ITGB6: variants seen among roughly 807,000 people sequenced by gnomAD.
ITGB6 encodes the protein integrin subunit beta 6.
ITGB6 carries 80 observed loss-of-function variants against 84.5 expected under a neutral mutation model. That is an observed-to-expected ratio of 0.95 (90% confidence interval 0.79 to 1.14). The LOEUF is 1.14. Ranked by LOEUF, ITGB6 falls within the 50% of genes most tolerant of loss-of-function variation. The probability of loss-of-function intolerance (pLI) is 0.00; values close to 1 mark genes in which losing one functional copy is unlikely to be tolerated. For synonymous variants in ITGB6, 383 were observed against 354.9 expected, an observed-to-expected ratio of 1.08 and a Z score of -0.89; for missense variants, 1,006 against 968.0, an observed-to-expected ratio of 1.04 and a Z score of -0.52.
chr2:160,146,375 T>A (rs1684187600), intron 7 of ITGB6, among the ~76,000 whole-genome samples: 1 of 152,130 alleles, frequency 6.6e-6, no homozygotes, highest in Admixed American at 6.5e-5. Flanking sequence ...CTTGCTTAAC[T>A]CTCTTTATGA....
At chr2:160,107,160 T>C (rs1696942819) in intron 14 of ITGB6, among the ~76,000 whole-genome samples, 1 of 152,214 alleles carries the variant, frequency 6.6e-6, no homozygotes. Context: ...AAATTTATGT[T>C]ATTCAGAAAA....
chr2:160,150,573 C>T (rs1014770389), intron 7 of ITGB6, among the ~76,000 whole-genome samples: 7 of 152,170 alleles, frequency 4.6e-5, no homozygotes, highest in African/African-American at 1.4e-4. Context: ...AACCAGCGAA[C>T]ATCATAATGA....
Position 160,137,845 on chromosome 2 carries a change from A to G in ITGB6, c.1249T>C (p.Phe417Leu). 6.2e-7 allele frequency: 1 copy of G among 1,612,758 alleles called. No individual in the cohort carries two copies. The highest frequency in any genetic ancestry group is 8.5e-7 in the Non-Finnish European group (1 of 1,178,872). Residue 417 changes from phenylalanine (F) to leucine (L), a missense_variant, in exon 10 of 15, where the codon TTC becomes CTC. Phe to Leu is a conservative substitution (Grantham distance 22). Transcript: ENST00000283249. ...SHMKVGDTAS[F>L]SVTVNIPHCE... is the part of the protein sequence containing the mutation. ...TGTGGGATATTCACAGTCACGCTGA[A>G]GGAAGCCTGGAAAAGAAAATACTAA... is the stretch of plus-strand genomic sequence containing the variant.
intron 4 of ITGB6, among the ~76,000 whole-genome samples, chr2:160,177,101 TA>T (rs1553486465): frequency 3.3e-5 from 5 of 152,022 alleles, no homozygotes; most frequent in Admixed American, 2.6e-4. Context: ...TTGTTTTTTT[TA>T]AAAAAAACTA....
At chr2:160,157,500 T>A (rs944657950) in intron 7 of ITGB6, among the ~76,000 whole-genome samples, 1 of 152,128 alleles carries the variant, frequency 6.6e-6, no homozygotes, top group African/African-American at 2.4e-5. Flanking sequence ...CTAGTGCAAA[T>A]GCCAGCAGCA....
chr2:160,158,972 G>A (rs772764457), intron 7 of ITGB6, among the ~76,000 whole-genome samples: 7 of 151,984 alleles, frequency 4.6e-5, no homozygotes, highest in Admixed American at 2.0e-4. Flanking sequence ...GGTGGTGTGC[G>A]CCTGTAGTCC....
intron 4 of ITGB6, among the ~76,000 whole-genome samples, chr2:160,190,716 C>T (rs1686110132): frequency 6.6e-6 from 1 of 152,174 alleles, no homozygotes; most frequent in South Asian, 2.1e-4. Context: ...AAGAGCCAAA[C>T]TGCTTTCATT....
At chr2:160,115,513 C>T (rs113169920) in intron 12 of ITGB6, among the ~76,000 whole-genome samples, 5,831 of 152,252 alleles carry the variant, frequency 0.038, 310 homozygotes, top group African/African-American at 0.13. Flanking sequence ...CCCTTCTGTA[C>T]ATCAGCATCA....
chr2:160,164,821 G>C (rs1038914295), intron 7 of ITGB6, among the ~76,000 whole-genome samples: 5 of 152,110 alleles, frequency 3.3e-5, no homozygotes, highest in African/African-American at 7.2e-5. Flanking sequence ...ATGAGGCTTT[G>C]AGTTCTTTAG....
chr2:160,188,835 A>G (rs1389078202), intron 4 of ITGB6, among the ~76,000 whole-genome samples: 1 of 152,010 alleles, frequency 6.6e-6, no homozygotes, highest in African/African-American at 2.4e-5. Context: ...CAAACTCCTG[A>G]ACTCATGATT....
chr2:160,199,330 C>A, intron 1 of ITGB6, 72 bp from the exon 2 acceptor site: 1 of 1,101,734 alleles, frequency 9.1e-7, no homozygotes, highest in South Asian at 1.3e-5. Context: ...ACTGATGGCT[C>A]TTACATTACT....
rs1226223315 is a variant in ITGB6 at position 160,152,395 on chromosome 2, A to G, written c.1018-10324T>C. Among the ~76,000 whole-genome samples the G allele has an allele frequency of 2.0e-5, 3 of 152,216 alleles. No homozygotes were observed. The East Asian group carries it at 5.8e-4, about 29-fold the overall frequency. On this transcript the variant is annotated intron_variant, in intron 7 of 14. Coordinates refer to ENST00000283249, the MANE Select transcript of ITGB6 (RefSeq NM_000888.5). ...CAGAAAAGGCCTTTGACAAAATTCA[A>G]CACCCTTCATGCTAAAAACTCTCAA... is the stretch of plus-strand genomic sequence containing the variant.
At chr2:160,146,862 A>C (rs780172967) in intron 7 of ITGB6, among the ~76,000 whole-genome samples, 2 of 152,190 alleles carry the variant, frequency 1.3e-5, no homozygotes, top group Non-Finnish European at 1.5e-5. Flanking sequence ...ACACTTTGGG[A>C]GGCTGAGGTG....
chr2:160,173,826 G>T, intron 5 of ITGB6, 148 bp downstream of exon 5: 1 of 656,146 alleles, frequency 1.5e-6, no homozygotes, highest in Non-Finnish European at 2.5e-6. Flanking sequence ...TTAAACATTT[G>T]GTAAAAATTG....
chr2:160,170,598 T>C (rs1685164124), intron 6 of ITGB6, among the ~76,000 whole-genome samples: 1 of 152,154 alleles, frequency 6.6e-6, no homozygotes. Flanking sequence ...TTGAATCAGA[T>C]CTGTTGGTTT....
intron 10 of ITGB6, among the ~76,000 whole-genome samples, chr2:160,135,129 A>T (rs1354884793): frequency 2.0e-5 from 3 of 150,830 alleles, no homozygotes; most frequent in African/African-American, 7.3e-5. Flanking sequence ...CTGTTTGCAG[A>T]TGACATGATT....
chr2:160,121,824 C>T lies in ITGB6; in HGVS notation c.1981+1967G>A, dbSNP rs181995026. On this transcript the variant is annotated intron_variant, in intron 12 of 14. Coordinates refer to ENST00000283249, the MANE Select transcript of ITGB6 (RefSeq NM_000888.5). ...AAAATGGGATGAATAAGGTTAATAA[C>T]ATGTTTTTGATATGCCCACTCACAG... Among the ~76,000 whole-genome samples, 362 of 148,220 alleles carry T rather than the reference C, an allele frequency of 2.4e-3. 2 individuals carry two copies. The highest frequency in any genetic ancestry group is 8.2e-3 in the African/African-American group (332 of 40,482).
At chr2:160,161,773 C>A (rs192179060) in intron 7 of ITGB6, among the ~76,000 whole-genome samples, 1 of 152,138 alleles carries the variant, frequency 6.6e-6, no homozygotes, top group Non-Finnish European at 1.5e-5. Context: ...TTTGGTCATA[C>A]TTCCACACTA....
At chr2:160,180,052 G>A (rs1265243972) in intron 4 of ITGB6, among the ~76,000 whole-genome samples, 2 of 148,518 alleles carry the variant, frequency 1.3e-5, no homozygotes, top group East Asian at 2.0e-4. Context: ...GGCAGAGGTT[G>A]CAATGAGCCA....
Sources: gnomAD v4.1 joint callset for allele counts (sites outside exome capture counted in the v4.1 genomes callset) on GRCh38, gnomAD v4.1.1 for gene constraint, MANE v1.5 for transcripts, NCBI Gene and HGNC (gene_info 2026-07-23, HGNC 2026-07-21) for gene names.